Variants in ZSCAN25 observed in about 807,000 individuals in gnomAD.
ZSCAN25 encodes zinc finger and SCAN domain-containing protein 25.
Under a neutral mutation model 38.7 loss-of-function variants are expected in ZSCAN25, and 27 were observed. The observed-to-expected ratio is 0.70, with a 90% confidence interval of 0.51 to 0.96. ZSCAN25 has a LOEUF of 0.96. ZSCAN25 is among the 40% of genes least tolerant of loss of function. ZSCAN25 has a pLI of 0.00. For missense variants in ZSCAN25, 637 were observed against 705.9 expected, an observed-to-expected ratio of 0.90 and a Z score of 1.11; for synonymous variants, 273 against 277.7, an observed-to-expected ratio of 0.98 and a Z score of 0.17.
chr7:99,640,670 T>C, the ZSCAN25 span, among the ~76,000 whole-genome samples: 1 of 152,206 alleles, frequency 6.6e-6, no homozygotes, highest in Non-Finnish European at 1.5e-5. Flanking sequence ...CTGCCTGTTT[T>C]CTGTAAGATC....
the ZSCAN25 span, among the ~76,000 whole-genome samples, chr7:99,714,146 A>T: frequency 6.6e-6 from 1 of 152,212 alleles, no homozygotes; most frequent in African/African-American, 2.4e-5. Flanking sequence ...TTGTTGGAGA[A>T]TGTGTAAAAT....
chr7:99,713,365 T>C, the ZSCAN25 span: 7 of 1,541,512 alleles, frequency 4.5e-6, no homozygotes, highest in African/African-American at 8.2e-5. Context: ...TTCTGCTATG[T>C]GGCAGAAATT....
At chr7:99,735,041 C>T in the ZSCAN25 span, 1 of 1,614,110 alleles carries the variant, frequency 6.2e-7, no homozygotes, top group Non-Finnish European at 8.5e-7. Flanking sequence ...GAGTATCAGG[C>T]TGACAGCCAG....
At chr7:99,715,517 T>C in the ZSCAN25 span, 2 of 565,408 alleles carry the variant, frequency 3.5e-6, no homozygotes, top group South Asian at 4.0e-5. Flanking sequence ...GAAAGTTGAC[T>C]AGTGGTTATA....
chr7:99,631,458 C>T lies in ZSCAN25; in HGVS notation c.*1438C>T. ...AAGGGTTTCATTTCTGTTTAAAGTT[C>T]TGGAAGCTGCATAACTAGCGTGGAC... On this transcript the variant is annotated 3_prime_UTR_variant, in exon 8 of 8. Transcript: ENST00000394152. 1.0e-6 allele frequency: 1 copy of T among 985,452 alleles called. No homozygotes were observed. The highest frequency in any genetic ancestry group is 4.7e-5 in the South Asian group (1 of 21,284). The allele number at this position is 985,452 out of a possible 1,614,324, so 61.0% of individuals were successfully genotyped here. A position where few individuals can be genotyped will look rare whatever the true frequency, so the allele number is the denominator to read the frequency against.
At chr7:99,672,866 C>A in the ZSCAN25 span, 4 of 1,399,330 alleles carry the variant, frequency 2.9e-6, no homozygotes, top group African/African-American at 5.8e-5. Flanking sequence ...CAGGAGCCAC[C>A]CAAGGCTTCA....
At chr7:99,709,054 C>G in the ZSCAN25 span, 1 of 1,613,998 alleles carries the variant, frequency 6.2e-7, no homozygotes, top group East Asian at 2.2e-5. Flanking sequence ...AGGAACTTCT[C>G]AGGCTCTGTC....
At chr7:99,720,662 T>G in the ZSCAN25 span, 1 of 416,450 alleles carries the variant, frequency 2.4e-6, no homozygotes, top group Non-Finnish European at 4.4e-6. Flanking sequence ...AAAAGAGCTC[T>G]TCAAAGAGAT....
chr7:99,621,057 AT>A (rs1019519804), intron 4 of ZSCAN25: 24 of 202,684 alleles, frequency 1.2e-4, no homozygotes, highest in East Asian at 2.2e-4. Flanking sequence ...TCAATTAGGA[AT>A]TTTTTTTTCT....
Position 99,629,892 on chromosome 7 carries a change from C to T in ZSCAN25, c.1507C>T (p.Arg503Ter), listed in dbSNP as rs1301776104. The T allele has an allele frequency of 5.0e-6, 8 of 1,614,156 alleles. No homozygotes were observed. Among genetic ancestry groups the T allele is most frequent in the Admixed American group, 3.3e-5 (2 of 60,028 alleles). ...GTTCAGCAAAGGGGAGCGGCTGGTC[C>T]GACACCAGAGAATCCATACAGGGGA... ...KRFSKGERLV[R>*]HQRIHTGEKP... is the part of the protein sequence containing the mutation. The change falls in exon 8 of 8, where the codon CGA (arginine) becomes TGA (stop). Residue 503 changes from arginine to a stop codon, truncating the protein, a stop_gained. Coordinates refer to ENST00000394152, the MANE Select transcript of ZSCAN25 (RefSeq NM_145115.3). LOFTEE classifies it high-confidence loss of function. The surrounding 1 kb of genome is among the most constrained non-coding windows in gnomAD (Gnocchi z 5.6).
chr7:99,667,491 T>G, the ZSCAN25 span, among the ~76,000 whole-genome samples: 1 of 152,108 alleles, frequency 6.6e-6, no homozygotes, highest in Non-Finnish European at 1.5e-5. Context: ...CATGGGCAAC[T>G]TGAAAAAGGG....
At chr7:99,702,200 C>T in the ZSCAN25 span, among the ~76,000 whole-genome samples, 1 of 151,856 alleles carries the variant, frequency 6.6e-6, no homozygotes, top group Non-Finnish European at 1.5e-5. Context: ...AGTGATTCTC[C>T]CACCTCAGCC....
the ZSCAN25 span, among the ~76,000 whole-genome samples, chr7:99,706,633 T>A: frequency 1.3e-5 from 2 of 152,258 alleles, no homozygotes; most frequent in East Asian, 3.9e-4. Flanking sequence ...AATCTTTCTA[T>A]AAATATAACA....
At chr7:99,653,522 G>A in the ZSCAN25 span, among the ~76,000 whole-genome samples, 22 of 151,960 alleles carry the variant, frequency 1.4e-4, no homozygotes, top group East Asian at 5.8e-4. This position sits in a 1 kb window ranked among gnomAD's most constrained non-coding sequence, Gnocchi z 4.2. Context: ...TCACAAATAC[G>A]ACAAAATAAA....
the ZSCAN25 span, among the ~76,000 whole-genome samples, chr7:99,645,431 C>T: frequency 6.6e-6 from 1 of 152,100 alleles, no homozygotes; most frequent in African/African-American, 2.4e-5. Flanking sequence ...CATATGTGTG[C>T]ATGTGTCTTT....
In ZSCAN25 at chr7:99,620,931, G is replaced by A. The variant is rs142540599; in HGVS notation, c.388-442G>A. The stretch of plus-strand genomic sequence containing the variant: ...TGCCTGGCTAATTTTTTTATTTTTT[G>A]TAGAGATGGAGTCTCGCCATGTTGC... On this transcript the variant is annotated intron_variant, in intron 4 of 7. Transcript: ENST00000394152. 4.7e-3 allele frequency: 726 copies of A among 153,444 alleles called. 8 individuals are homozygous for A. The highest frequency in any genetic ancestry group is 7.1e-3 in the Admixed American group (108 of 15,318). 9.5% of individuals were successfully genotyped at this position (153,444 alleles called of 1,614,324 possible). A position where few individuals can be genotyped will look rare whatever the true frequency, so the allele number is the denominator to read the frequency against.
intron 5 of ZSCAN25, 83 bp downstream of exon 5, chr7:99,621,657 G>A: frequency 8.8e-7 from 1 of 1,138,666 alleles, no homozygotes; most frequent in Non-Finnish European, 1.1e-6. Context: ...CCCAGCAATG[G>A]AGCAACTAAG....
the ZSCAN25 span, among the ~76,000 whole-genome samples, chr7:99,732,213 C>T: frequency 1.3e-5 from 2 of 152,256 alleles, no homozygotes; most frequent in East Asian, 3.9e-4. Flanking sequence ...ACCTCCTCCC[C>T]ACCCTCTCTT....
chr7:99,651,285 T>C, the ZSCAN25 span, among the ~76,000 whole-genome samples: 5 of 152,190 alleles, frequency 3.3e-5, no homozygotes, highest in African/African-American at 1.2e-4. Flanking sequence ...TACGTATATA[T>C]CACATGAATT....
Sources: allele counts gnomAD v4.1 joint callset (sites outside exome capture counted in the v4.1 genomes callset), GRCh38; gene constraint gnomAD v4.1.1; non-coding constraint Gnocchi (gnomAD v3.1); transcripts MANE v1.5; gene names NCBI Gene and HGNC (gene_info 2026-07-23, HGNC 2026-07-21).